The following NCALD variants were observed in gnomAD, a reference collection of about 807,000 sequenced individuals.
The protein encoded by NCALD is neurocalcin-delta.
In NCALD, 10 loss-of-function variants were observed where a neutral mutation model predicts 18.6. The observed-to-expected ratio is 0.54, with a 90% CI of 0.33 to 0.91. The LOEUF is 0.91. Among genes scored for constraint, NCALD ranks in the 40% least tolerant of loss-of-function variants. NCALD has a pLI of 0.03. For missense variants in NCALD, 184 were observed against 247.6 expected (o/e 0.74, Z 1.72); for synonymous variants, 88 against 87.4 (o/e 1.01, Z -0.04).
At chr8:101,882,804 A>G (rs550116629) in intron 4 of NCALD, among the ~76,000 whole-genome samples, 14 of 152,348 alleles carry the variant, frequency 9.2e-5, no homozygotes, top group African/African-American at 3.4e-4. Flanking sequence ...CTATGCAAAC[A>G]TTGCATCAAG....
chr8:101,897,339 C>G (rs577166440), intron 3 of NCALD, among the ~76,000 whole-genome samples: 12 of 139,800 alleles, frequency 8.6e-5, no homozygotes, highest in Middle Eastern at 3.6e-3. Flanking sequence ...ACACAGGAAG[C>G]GGAATATCAC....
chr8:102,000,723 T>A (rs1821423557), intron 2 of NCALD, among the ~76,000 whole-genome samples: 1 of 152,186 alleles, frequency 6.6e-6, no homozygotes, highest in Admixed American at 6.5e-5. Context: ...TTCACCAATA[T>A]CTGCTGTTCT....
At chr8:102,096,093 T>C (rs976032629) in intron 1 of NCALD, among the ~76,000 whole-genome samples, 1 of 152,210 alleles carries the variant, frequency 6.6e-6, no homozygotes, top group African/African-American at 2.4e-5. Context: ...GGCAGAAAAC[T>C]GATCCAAAGA....
intron 2 of NCALD, among the ~76,000 whole-genome samples, chr8:101,715,009 A>T (rs1462607865): frequency 6.6e-6 from 1 of 150,992 alleles, no homozygotes; most frequent in East Asian, 1.9e-4. Flanking sequence ...GTCTCAAAAA[A>T]AAAAAAAGAA....
At chr8:101,974,714 T>C (rs1217528407) in intron 2 of NCALD, among the ~76,000 whole-genome samples, 1 of 152,134 alleles carries the variant, frequency 6.6e-6, no homozygotes, top group African/African-American at 2.4e-5. Flanking sequence ...AAAACAGCAA[T>C]AAAAGATACT....
intron 1 of NCALD, among the ~76,000 whole-genome samples, chr8:102,087,234 C>T (rs35268148): frequency 0.038 from 5,830 of 152,226 alleles, 161 homozygotes; most frequent in Middle Eastern, 0.095. Context: ...CAGTAACATC[C>T]TTCTGGCAAA....
chr8:101,780,217 C>T (rs968268394), intron 1 of NCALD, among the ~76,000 whole-genome samples: 1 of 151,988 alleles, frequency 6.6e-6, no homozygotes, highest in Admixed American at 6.6e-5. Context: ...AGAAAGTCTC[C>T]CAGGTTGAAT....
intron 1 of NCALD, among the ~76,000 whole-genome samples, chr8:101,761,905 C>T (rs569995388): frequency 3.3e-5 from 5 of 152,276 alleles, no homozygotes; most frequent in South Asian, 4.1e-4. Flanking sequence ...TTCGGGGCCT[C>T]GAATGTACAT....
chr8:102,025,727 T>C (rs1221492647), intron 1 of NCALD, among the ~76,000 whole-genome samples: 2 of 152,208 alleles, frequency 1.3e-5, no homozygotes, highest in African/African-American at 4.8e-5. Context: ...CTTTGAGGCA[T>C]GTGGATCCTT....
intron 2 of NCALD, among the ~76,000 whole-genome samples, chr8:101,917,508 C>G (rs1187323019): frequency 1.3e-5 from 2 of 151,634 alleles, no homozygotes; most frequent in Non-Finnish European, 2.9e-5. Context: ...AAAGTTGAGA[C>G]CCAAAAATTC....
At chr8:101,980,942 T>C (rs960364569) in intron 2 of NCALD, among the ~76,000 whole-genome samples, 1 of 152,200 alleles carries the variant, frequency 6.6e-6, no homozygotes, top group Non-Finnish European at 1.5e-5. Context: ...TCAAGTTCCA[T>C]CTCCAACTTG....
At chr8:102,095,574 G>A (rs1461702087) in intron 1 of NCALD, among the ~76,000 whole-genome samples, 2 of 152,116 alleles carry the variant, frequency 1.3e-5, no homozygotes, top group Non-Finnish European at 2.9e-5. Context: ...TCATTAAAAG[G>A]TTCAGTTAAC....
chr8:101,887,033 C>CA (rs1218979759), intron 4 of NCALD: 2 of 152,136 alleles, frequency 1.3e-5, no homozygotes. Context: ...TTCTACTTAG[C>CA]AAATACAAAT....
chr8:101,707,746 C>T (rs149993080), intron 2 of NCALD, among the ~76,000 whole-genome samples: 3,935 of 152,166 alleles, frequency 0.026, 133 homozygotes, highest in African/African-American at 0.078. Flanking sequence ...CAGGTGCCTG[C>T]AATCCCAGCT....
intron 1 of NCALD, among the ~76,000 whole-genome samples, chr8:102,047,620 A>G (rs7000754): frequency 0.35 from 53,374 of 152,100 alleles, 9,696 homozygotes; most frequent in Non-Finnish European, 0.4. Flanking sequence ...ATCATAGAAC[A>G]TGCTAACGAT....
chr8:101,971,069 G>C (rs74847690), intron 2 of NCALD, among the ~76,000 whole-genome samples: 2,956 of 152,260 alleles, frequency 0.019, 32 homozygotes, highest in South Asian at 0.03. Context: ...TGATGCAGCA[G>C]ATGGCCCTCA....
At chr8:101,844,940 T>C (rs531190051) in intron 4 of NCALD, among the ~76,000 whole-genome samples, 1 of 152,332 alleles carries the variant, frequency 6.6e-6, no homozygotes, top group East Asian at 1.9e-4. Flanking sequence ...CTTGTACCCT[T>C]ACAGATTGTC....
intron 2 of NCALD, among the ~76,000 whole-genome samples, chr8:101,712,638 G>A (rs969559160): frequency 2.8e-5 from 4 of 143,914 alleles, no homozygotes; most frequent in South Asian, 2.2e-4. Context: ...CCTAATCTCT[G>A]ATAAAACAGA....
chr8:102,055,317 C>T (rs1048765038), intron 1 of NCALD, among the ~76,000 whole-genome samples: 4 of 151,432 alleles, frequency 2.6e-5, no homozygotes, highest in African/African-American at 4.9e-5. Flanking sequence ...TCCATTGCCT[C>T]CTAGGGAGGT....
Sources: allele counts gnomAD v4.1 joint callset (sites outside exome capture counted in the v4.1 genomes callset), GRCh38; gene constraint gnomAD v4.1.1; transcripts MANE v1.5; gene names NCBI Gene and HGNC (gene_info 2026-07-23, HGNC 2026-07-21).